HIF1AN: variants seen among roughly 807,000 people sequenced by gnomAD.
HIF1AN encodes the protein hypoxia inducible factor 1 subunit alpha inhibitor, also known as hypoxia-inducible factor 1-alpha inhibitor.
A neutral mutation model predicts 47.7 loss-of-function variants in HIF1AN; 21 were observed. The ratio of observed to expected loss-of-function variants is 0.44; its 90% CI spans 0.31 to 0.63. The LOEUF (loss-of-function observed/expected upper bound fraction) is 0.63, where lower values mean the gene tolerates loss of function less well. Ranked by LOEUF, HIF1AN falls within the 30% of genes least tolerant of loss-of-function variation. The pLI is 0.07. For synonymous variants in HIF1AN, 152 were observed against 155.9 expected (o/e 0.98, Z 0.18); for missense variants, 320 against 432.7 (o/e 0.74, Z 2.31).
chr10:100,546,124 C>A, intron 5 of HIF1AN, 75 bp downstream of exon 5: 1 of 1,037,528 alleles, frequency 9.6e-7, no homozygotes, highest in Non-Finnish European at 1.5e-6. Context: ...GTCTGTGTCG[C>A]TTCTGAGTTA....
intron 3 of HIF1AN, among the ~76,000 whole-genome samples, 171 bp from the exon 4 acceptor site, chr10:100,544,780 C>T (rs1843078371): frequency 1.3e-5 from 2 of 152,184 alleles, no homozygotes. Flanking sequence ...ACAAGCTTAA[C>T]ACCTAATTTT....
Position 100,550,366 on chromosome 10 carries a change from C to T in HIF1AN, c.*2229C>T, listed in dbSNP as rs1843145572. On this transcript the variant is annotated 3_prime_UTR_variant, in exon 8 of 8. Transcript: ENST00000299163. Reference sequence around the variant, plus strand: ...CTAGTGCTTTTCTCTTTGTTCCTCACTATCCTGCAAGGTAGGTATTCTCAC... The same window carrying T: ...CTAGTGCTTTTCTCTTTGTTCCTCATTATCCTGCAAGGTAGGTATTCTCAC... 1.3e-5 allele frequency: 2 copies of T among 152,208 alleles called. No homozygotes were observed. Among genetic ancestry groups the T allele is most frequent in the Admixed American group, 6.5e-5 (1 of 15,286 alleles). The allele number at this position is 152,208 out of a possible 1,614,324, so 9.4% of individuals were successfully genotyped here. A position where few individuals can be genotyped will look rare whatever the true frequency, so the allele number is the denominator to read the frequency against.
At chr10:100,543,132 A>G (rs1843059444) in intron 3 of HIF1AN, among the ~76,000 whole-genome samples, 1 of 152,078 alleles carries the variant, frequency 6.6e-6, no homozygotes, top group Admixed American at 6.6e-5. Context: ...GCTGGTACTA[A>G]TAAAGATTTC....
chr10:100,542,712 G>GT (rs1028254071), intron 3 of HIF1AN, among the ~76,000 whole-genome samples: 2 of 152,080 alleles, frequency 1.3e-5, no homozygotes, highest in Non-Finnish European at 2.9e-5. Flanking sequence ...TTCAAAAGGT[G>GT]TAAATAGGTA....
At position 100,551,835 on chromosome 10, in the gene HIF1AN, T is replaced by TA. The variant is rs1843164314; in HGVS notation, c.*3699dup. On this transcript the variant is annotated 3_prime_UTR_variant, in exon 8 of 8. Coordinates refer to ENST00000299163, the MANE Select transcript of HIF1AN (RefSeq NM_017902.3). Reference sequence around the variant, plus strand: ...CAGAGGTTATAAGGCCACACTTGTATATCGTGCACCCTGTGTGGACAAGAT... The same window carrying TA: ...CAGAGGTTATAAGGCCACACTTGTATAATCGTGCACCCTGTGTGGACAAGAT... 1.3e-5 allele frequency: 2 copies of TA among 152,320 alleles called. No homozygotes were observed. Among genetic ancestry groups the TA allele is most frequent in the African/African-American group, 4.8e-5 (2 of 41,556 alleles). The allele number at this position is 152,320 out of a possible 1,614,324, so 9.4% of individuals were successfully genotyped here. A position where few individuals can be genotyped will look rare whatever the true frequency, so the allele number is the denominator to read the frequency against.
At chr10:100,541,641 A>G (rs1843034706) in intron 3 of HIF1AN, among the ~76,000 whole-genome samples, 1 of 152,118 alleles carries the variant, frequency 6.6e-6, no homozygotes, top group Admixed American at 6.5e-5. Context: ...CTGACACTAC[A>G]GGCGTGTGCC....
In HIF1AN at chr10:100,553,417, T is replaced by C. The variant is rs1843184553; in HGVS notation, c.*5280T>C. The C allele has an allele frequency of 6.6e-6, 1 of 152,164 alleles. No individual in the cohort carries two copies. The highest frequency in any genetic ancestry group is 6.5e-5 in the Admixed American group (1 of 15,272). The allele number at this position is 152,164 out of a possible 1,614,324, so 9.4% of individuals were successfully genotyped here. On this transcript the variant is annotated 3_prime_UTR_variant, in exon 8 of 8. Coordinates refer to ENST00000299163, the MANE Select transcript of HIF1AN (RefSeq NM_017902.3). ...TGGTTGCTGAAAGGGAAACAGTATA[T>C]TGCGTAGTCAGATGTCAGGAGTAGA...
In HIF1AN at chr10:100,544,954, A is replaced by G; in HGVS notation, c.581A>G (p.Asn194Ser). ...GAAAATGCCTTTCTTCTTACAGGAA[A>G]TGTGACACCTGCTCACTATGATGAG... ...SNLLLIGMEG[N>S]VTPAHYDEQQ... Residue 194 changes from asparagine (N) to serine (S), a missense_variant, in exon 4 of 8, where the codon AAT becomes AGT. This residue lies in a region of HIF1AN where 161 missense variants were observed against 272.8 expected (regional missense o/e 0.59). Coordinates refer to ENST00000299163, the MANE Select transcript of HIF1AN (RefSeq NM_017902.3). 1.2e-6 allele frequency: 2 copies of G among 1,614,150 alleles called. No individual in the cohort carries two copies. Among genetic ancestry groups the G allele is most frequent in the South Asian group, 1.1e-5 (1 of 91,084 alleles).
At chr10:100,545,656 C>G (rs1843086240) in intron 4 of HIF1AN, among the ~76,000 whole-genome samples, 1 of 152,156 alleles carries the variant, frequency 6.6e-6, no homozygotes, top group African/African-American at 2.4e-5. Flanking sequence ...AGGATAATTC[C>G]TAATTCCTCA....
chr10:100,558,368 G>C lies in HIF1AN; in HGVS notation c.*10231G>C, dbSNP rs1843231226. The C allele has an allele frequency of 6.6e-6, 1 of 152,202 alleles. No individual in the cohort carries two copies. The highest frequency in any genetic ancestry group is 1.5e-5 in the Non-Finnish European group (1 of 68,050). 9.4% of individuals were successfully genotyped at this position (152,202 alleles called of 1,614,324 possible). On this transcript the variant is annotated 3_prime_UTR_variant, in exon 8 of 8. Coordinates refer to ENST00000299163, the MANE Select transcript of HIF1AN (RefSeq NM_017902.3). The stretch of plus-strand genomic sequence containing the variant: ...GTAATCCCAACACTTTGGGAGGCTT[G>C]AGTCAGGAGGAAGCTTGAGGCCAGG...
intron 2 of HIF1AN, among the ~76,000 whole-genome samples, chr10:100,538,905 C>CT (rs371921651): frequency 0.039 from 4,381 of 112,756 alleles, 289 homozygotes; most frequent in African/African-American, 0.12. Flanking sequence ...TTGAACCTTT[C>CT]TTTTTTTTTT....
chr10:100,552,082 T>C lies in HIF1AN; in HGVS notation c.*3945T>C, dbSNP rs1843167308. ...TGCTGAGGTTCAGTAATAGGATGAG[T>C]CTTCAGGTGTGGAGCAGCCCACCTT... On this transcript the variant is annotated 3_prime_UTR_variant, in exon 8 of 8. Transcript: ENST00000299163. 1 of 152,222 alleles carries C rather than the reference T, an allele frequency of 6.6e-6. No homozygotes were observed. Among genetic ancestry groups the C allele is most frequent in the Non-Finnish European group, 1.5e-5 (1 of 68,070 alleles). The allele number at this position is 152,222 out of a possible 1,614,324, so 9.4% of individuals were successfully genotyped here. A position where few individuals can be genotyped will look rare whatever the true frequency, so the allele number is the denominator to read the frequency against.
At position 100,535,963 on chromosome 10, in the gene HIF1AN, C is replaced by A. The variant is rs758109470; in HGVS notation, c.5C>A (p.Ala2Glu). 1.0e-5 allele frequency: 16 copies of A among 1,546,634 alleles called. No homozygotes were observed. Among genetic ancestry groups the A allele is most frequent in the Non-Finnish European group, 1.4e-5 (16 of 1,147,104 alleles). M[A>E]ATAAEAVASG... ...GGGCCGTCCCTGGCGGCGGAGATGG[C>A]GGCGACAGCGGCGGAGGCTGTGGCC... The change falls in exon 1 of 8, where the codon GCG becomes GAG. Residue 2 changes from alanine (A) to glutamate (E), a missense_variant. Physicochemically the swap from Ala to Glu is moderately radical, Grantham distance 107 (BLOSUM62 -1). Coordinates refer to ENST00000299163, the MANE Select transcript of HIF1AN (RefSeq NM_017902.3).
chr10:100,548,190 C>T lies in HIF1AN; in HGVS notation c.*53C>T. ...GGTGACTGCTATCCCGTCCACACCG[C>T]TTCATTGATGAGGACAGGAGACTCC... On this transcript the variant is annotated 3_prime_UTR_variant, in exon 8 of 8. Coordinates refer to ENST00000299163, the MANE Select transcript of HIF1AN (RefSeq NM_017902.3). 4 of 1,480,790 alleles carry T rather than the reference C, an allele frequency of 2.7e-6. No individual in the cohort carries two copies. In the South Asian group the frequency reaches 3.8e-5, roughly 14 times the overall value. The allele number at this position is 1,480,790 out of a possible 1,614,324, so 91.7% of individuals were successfully genotyped here. A position where few individuals can be genotyped will look rare whatever the true frequency, so the allele number is the denominator to read the frequency against.
intron 3 of HIF1AN, among the ~76,000 whole-genome samples, chr10:100,541,531 C>G (rs929843216): frequency 7.2e-5 from 11 of 151,924 alleles, no homozygotes; most frequent in Admixed American, 7.2e-4. Flanking sequence ...GACAGAGTCT[C>G]ACTCTGTTGC....
rs966080473 is a variant in HIF1AN at position 100,559,193 on chromosome 10, A to G, written c.*11056A>G. 1 of 152,220 alleles carries G rather than the reference A, an allele frequency of 6.6e-6. No individual in the cohort carries two copies. The highest frequency in any genetic ancestry group is 1.5e-5 in the Non-Finnish European group (1 of 68,032). The allele number at this position is 152,220 out of a possible 1,614,324, so 9.4% of individuals were successfully genotyped here. A position where few individuals can be genotyped will look rare whatever the true frequency, so the allele number is the denominator to read the frequency against. On this transcript the variant is annotated 3_prime_UTR_variant, in exon 8 of 8. Transcript: ENST00000299163. ...TTTATAAACTTAATTTATTGGAAAT[A>G]TAAGTACTTGATCAGGTTTTGTCTT...
chr10:100,540,646 G>A lies in HIF1AN; in HGVS notation c.441G>A (p.Gln147=). The part of the protein sequence containing the change: ...QRGGEERLYL[Q]QTLNDTVGRK... Reference sequence around the variant, plus strand: ...TTGGGGAACATAGGTTGTATCTGCAGCAAACGCTCAATGACACTGTGGGCA... The same window carrying A: ...TTGGGGAACATAGGTTGTATCTGCAACAAACGCTCAATGACACTGTGGGCA... Residue 147 remains glutamine, a synonymous_variant, in exon 3 of 8, where the codon CAG becomes CAA. Coordinates refer to ENST00000299163, the MANE Select transcript of HIF1AN (RefSeq NM_017902.3). 1.2e-6 allele frequency: 2 copies of A among 1,613,746 alleles called. No individual in the cohort carries two copies. The highest frequency in any genetic ancestry group is 1.1e-5 in the South Asian group (1 of 91,028).
In HIF1AN at chr10:100,535,976, G is replaced by T. The variant is rs1198262642; in HGVS notation, c.18G>T (p.Ala6=). The T allele has an allele frequency of 5.1e-6, 8 of 1,553,476 alleles. No homozygotes were observed. In the South Asian group the frequency reaches 5.9e-5, roughly 11 times the overall value. Residue 6 remains alanine, a synonymous_variant, in exon 1 of 8, where the codon GCG becomes GCT. Coordinates refer to ENST00000299163, the MANE Select transcript of HIF1AN (RefSeq NM_017902.3). The stretch of plus-strand genomic sequence containing the variant: ...CGGCGGAGATGGCGGCGACAGCGGC[G>T]GAGGCTGTGGCCTCTGGCTCTGGAG... MAATA[A]EAVASGSGEP... is the part of the protein sequence containing the mutation.
Position 100,551,276 on chromosome 10 carries a change from C to T in HIF1AN, c.*3139C>T, listed in dbSNP as rs1020719097. The stretch of plus-strand genomic sequence containing the variant: ...GGGGGAAGTCGTCTGCTCTCATTTG[C>T]GTAATGGTTTCTGTCACTGGTGATT... On this transcript the variant is annotated 3_prime_UTR_variant, in exon 8 of 8. Transcript: ENST00000299163. The T allele has an allele frequency of 2.0e-5, 3 of 152,084 alleles. No homozygotes were observed. The highest frequency in any genetic ancestry group is 6.5e-5 in the Admixed American group (1 of 15,270). 9.4% of individuals were successfully genotyped at this position (152,084 alleles called of 1,614,324 possible). A position where few individuals can be genotyped will look rare whatever the true frequency, so the allele number is the denominator to read the frequency against.
Sources: gnomAD v4.1 joint callset for allele counts (sites outside exome capture counted in the v4.1 genomes callset) on GRCh38, gnomAD v4.1.1 for gene constraint, gnomAD v4.1.1 regional missense constraint, MANE v1.5 for transcripts, NCBI Gene and HGNC (gene_info 2026-07-23, HGNC 2026-07-21) for gene names.